UBE2Z: variants seen among roughly 807,000 people sequenced by gnomAD.
UBE2Z encodes ubiquitin conjugating enzyme E2 Z.
UBE2Z carries 10 observed loss-of-function variants against 32.6 expected under a neutral mutation model. The ratio of observed to expected loss-of-function variants is 0.31; its 90% CI spans 0.19 to 0.52. UBE2Z has a LOEUF of 0.52. Among genes scored for constraint, UBE2Z ranks in the 20% least tolerant of loss-of-function variants. UBE2Z has a pLI of 0.97. For synonymous variants in UBE2Z, 183 were observed against 190.8 expected, an observed-to-expected ratio of 0.96 and a Z score of 0.34; for missense variants, 343 against 480.9, an observed-to-expected ratio of 0.71 and a Z score of 2.68.
Position 48,927,553 on chromosome 17 carries a change from CTG to C in UBE2Z, c.*422_*423del, listed in dbSNP as rs1413421249. The C allele has an allele frequency of 6.0e-6, 1 of 167,080 alleles. No homozygotes were observed. Among genetic ancestry groups the C allele is most frequent in the Admixed American group, 5.9e-5 (1 of 16,894 alleles). The allele number at this position is 167,080 out of a possible 1,614,324, so 10.3% of individuals were successfully genotyped here. A position where few individuals can be genotyped will look rare whatever the true frequency, so the allele number is the denominator to read the frequency against. On this transcript the variant is annotated 3_prime_UTR_variant, in exon 7 of 7. Transcript: ENST00000360943. ...GAAGGGAGCTTGGGGTGGGGGCTGT[CTG>C]TGACACTTAAGCAGTCTGGGTGGTT...
chr17:48,908,899 C>T (rs1457409991), intron 1 of UBE2Z, 79 bp downstream of exon 1: 6 of 1,054,850 alleles, frequency 5.7e-6, no homozygotes, highest in African/African-American at 4.0e-5. Flanking sequence ...CCCACTACAA[C>T]TCACCCCCCA....
chr17:48,925,809 C>T (rs1046170780), intron 6 of UBE2Z, among the ~76,000 whole-genome samples: 10 of 152,160 alleles, frequency 6.6e-5, no homozygotes, highest in African/African-American at 2.2e-4. Context: ...AGGAGAAGTG[C>T]AGGCTGTAGT....
chr17:48,908,545 C>G lies in UBE2Z; in HGVS notation c.42C>G (p.Ala14=), dbSNP rs767947545. 8.1e-7 allele frequency: 1 copy of G among 1,235,888 alleles called. No individual in the cohort carries two copies. The highest frequency in any genetic ancestry group is 4.1e-5 in the South Asian group (1 of 24,432). The allele number at this position is 1,235,888 out of a possible 1,614,324, so 76.6% of individuals were successfully genotyped here. The change falls in exon 1 of 7, where the codon GCC becomes GCG. Residue 14 remains alanine, a synonymous_variant. Transcript: ENST00000360943. ...SPTEEAATAG[A]GAAGPGASSV... ...CTGAGGAGGCGGCAACGGCGGGCGC[C>G]GGGGCGGCGGGCCCCGGGGCGAGCA... is the stretch of plus-strand genomic sequence containing the variant.
At chr17:48,912,627 A>G (rs2040688486) in intron 2 of UBE2Z, 2 of 553,294 alleles carry the variant, frequency 3.6e-6, no homozygotes, top group Non-Finnish European at 3.2e-6. Context: ...GTAAGATGTC[A>G]TTCCACTGTA....
chr17:48,914,454 G>C (rs2040704708), intron 3 of UBE2Z, among the ~76,000 whole-genome samples: 1 of 152,190 alleles, frequency 6.6e-6, no homozygotes, highest in Non-Finnish European at 1.5e-5. Flanking sequence ...TTTTAAAGGA[G>C]GTTGTCCTTA....
intron 4 of UBE2Z, among the ~76,000 whole-genome samples, chr17:48,919,305 G>A (rs917225418): frequency 3.3e-5 from 5 of 151,988 alleles, no homozygotes; most frequent in African/African-American, 1.2e-4. Context: ...TTTATCAGAG[G>A]CCAGGGCTCT....
At position 48,910,826 on chromosome 17, in the gene UBE2Z, T is replaced by C; in HGVS notation, c.336T>C (p.Tyr112=). Residue 112 remains tyrosine, a synonymous_variant, in exon 2 of 7, where the codon TAT becomes TAC. Coordinates refer to ENST00000360943, the MANE Select transcript of UBE2Z (RefSeq NM_023079.5). ...TATACAGGGATATCATGTCCATTTATAAGGAGCCTCCTCCAGGAATGTTCG... is the reference window on the plus strand; with the variant it reads ...TATACAGGGATATCATGTCCATTTACAAGGAGCCTCCTCCAGGAATGTTCG... ...LRIKRDIMSI[Y]KEPPPGMFVV... 1.2e-6 allele frequency: 2 copies of C among 1,613,302 alleles called. No homozygotes were observed. The highest frequency in any genetic ancestry group is 1.1e-5 in the South Asian group (1 of 91,062).
chr17:48,913,052 G>A, intron 3 of UBE2Z, 31 bp downstream of exon 3: 1 of 1,603,208 alleles, frequency 6.2e-7, no homozygotes, highest in Non-Finnish European at 8.5e-7. Context: ...AGCCAAGTCG[G>A]TTGTTAGCAG....
chr17:48,915,815 A>C, intron 3 of UBE2Z: 1 of 390,506 alleles, frequency 2.6e-6, no homozygotes, highest in African/African-American at 2.1e-5. Context: ...TGTTTCTAGT[A>C]CAAAGAAAAT....
intron 4 of UBE2Z, among the ~76,000 whole-genome samples, chr17:48,920,102 C>T (rs545066000): frequency 2.6e-5 from 4 of 152,216 alleles, no homozygotes; most frequent in African/African-American, 7.2e-5. Flanking sequence ...AGAGGAGCAT[C>T]GCTTGAGCCC....
At chr17:48,912,792 G>C (rs373593277) in intron 2 of UBE2Z, 42 bp from the exon 3 acceptor site, 11 of 1,607,478 alleles carry the variant, frequency 6.8e-6, no homozygotes, top group Non-Finnish European at 9.4e-6. Flanking sequence ...GCTTGGGGTG[G>C]GTCATCACCT....
At chr17:48,911,127 G>A (rs553445789) in intron 2 of UBE2Z, 49 of 497,896 alleles carry the variant, frequency 9.8e-5, no homozygotes, top group African/African-American at 8.0e-4. Flanking sequence ...GTCTGTTGTC[G>A]CAGCTTGACT....
In UBE2Z at chr17:48,913,015, T is replaced by C. The variant is rs2040691255; in HGVS notation, c.572T>C (p.Ile191Thr). The change falls in exon 3 of 7, where the codon ATT (isoleucine) becomes ACT (threonine). Residue 191 changes from isoleucine to threonine, a missense_variant. Physicochemically the swap from Ile to Thr is moderately conservative, Grantham distance 89. Coordinates refer to ENST00000360943, the MANE Select transcript of UBE2Z (RefSeq NM_023079.5). ...FYRNGKVCLS[I>T]LGTWTGPAWS... is the part of the protein sequence containing the mutation. ...CGCAATGGGAAAGTCTGCTTGAGTA[T>C]TCTAGGGTAAGAGGAGACTTTTAAG... The C allele has an allele frequency of 1.2e-6, 2 of 1,613,610 alleles. No individual in the cohort carries two copies. Among genetic ancestry groups the C allele is most frequent in the Non-Finnish European group, 1.7e-6 (2 of 1,179,692 alleles).
intron 3 of UBE2Z, among the ~76,000 whole-genome samples, chr17:48,915,516 C>G (rs2040712448): frequency 6.6e-6 from 1 of 152,328 alleles, no homozygotes. Context: ...CTTCCACTGT[C>G]TGGAAGCACC....
chr17:48,919,173 A>G (rs1457525019), intron 4 of UBE2Z, among the ~76,000 whole-genome samples: 2 of 151,488 alleles, frequency 1.3e-5, no homozygotes, highest in Non-Finnish European at 2.9e-5. Context: ...TTTAGTAGAG[A>G]CGGGGTTTCA....
At chr17:48,925,234 G>C (rs572067820) in intron 6 of UBE2Z, among the ~76,000 whole-genome samples, 1 of 149,338 alleles carries the variant, frequency 6.7e-6, no homozygotes. Context: ...GCAGTGACCC[G>C]AGATCACGTT....
At chr17:48,912,217 AC>A (rs1404974717) in intron 2 of UBE2Z, 1 of 152,488 alleles carries the variant, frequency 6.6e-6, no homozygotes, top group East Asian at 1.9e-4. Flanking sequence ...GCAAGCAGAT[AC>A]CCTAGGCATC....
rs748309498 is a variant in UBE2Z at position 48,921,228 on chromosome 17, C to T, written c.759C>T (p.Val253=). The part of the protein sequence containing the change: ...CIRHETIRVA[V]CDMMEGKCPC... ...GGCACGAGACCATCAGAGTTGCAGT[C>T]TGTGACATGATGGAAGGAAAGTGTC... The change falls in exon 5 of 7, where the codon GTC becomes GTT. Residue 253 remains valine, a synonymous_variant. Coordinates refer to ENST00000360943, the MANE Select transcript of UBE2Z (RefSeq NM_023079.5). The T allele has an allele frequency of 6.2e-7, 1 of 1,612,812 alleles. No homozygotes were observed. The highest frequency in any genetic ancestry group is 8.5e-7 in the Non-Finnish European group (1 of 1,179,518).
At chr17:48,920,495 A>T (rs1413455397) in intron 4 of UBE2Z, among the ~76,000 whole-genome samples, 1 of 151,848 alleles carries the variant, frequency 6.6e-6, no homozygotes, top group Middle Eastern at 3.2e-3. Context: ...AACTCAAAAA[A>T]ACAAATAAAT....
Sources: gnomAD v4.1 joint callset for allele counts (sites outside exome capture counted in the v4.1 genomes callset) on GRCh38, gnomAD v4.1.1 for gene constraint, MANE v1.5 for transcripts, NCBI Gene and HGNC (gene_info 2026-07-23, HGNC 2026-07-21) for gene names.